PIEZO2: variants seen among roughly 807,000 people sequenced by gnomAD.
The protein encoded by PIEZO2 is piezo type mechanosensitive ion channel component 2.
PIEZO2 carries 172 observed loss-of-function variants against 337.3 expected under a neutral mutation model. The ratio of observed to expected loss-of-function variants is 0.51; its 90% CI spans 0.45 to 0.58. The LOEUF is 0.58. PIEZO2 is among the 20% of genes least tolerant of loss of function. The pLI is 0.00. For missense variants in PIEZO2, 3,028 were observed against 3,391.3 expected (o/e 0.89, Z 2.66); for synonymous variants, 1,251 against 1,228.5 (o/e 1.02, Z -0.38).
In PIEZO2 at chr18:10,911,413, A is replaced by C. The variant is rs536363629; in HGVS notation, c.287-185T>G. Among the ~76,000 whole-genome samples the C allele has an allele frequency of 3.4e-3, 483 of 141,260 alleles. 2 individuals carry two copies. The highest frequency in any genetic ancestry group is 0.012 in the African/African-American group (454 of 37,848). The allele number at this position is 141,260 out of a possible 152,430, so 92.7% of individuals were successfully genotyped here. A position where few individuals can be genotyped will look rare whatever the true frequency, so the allele number is the denominator to read the frequency against. On this transcript the variant is annotated intron_variant, in intron 3 of 55. Coordinates refer to ENST00000674853, the MANE Select transcript of PIEZO2 (RefSeq NM_001378183.1). ...GTAGAGTACAGAAAATTTAATAAAA[A>C]GTCCGCATATACAGAAGTCGAGTCC...
rs2033730744 is a variant in PIEZO2 at position 10,670,663 on chromosome 18, A to G, written c.*864T>C. The G allele has an allele frequency of 6.6e-6, 1 of 152,410 alleles. No individual in the cohort carries two copies. The highest frequency in any genetic ancestry group is 2.4e-5 in the African/African-American group (1 of 41,450). The allele number at this position is 152,410 out of a possible 1,614,324, so 9.4% of individuals were successfully genotyped here. On this transcript the variant is annotated 3_prime_UTR_variant, in exon 56 of 56. Coordinates refer to ENST00000674853, the MANE Select transcript of PIEZO2 (RefSeq NM_001378183.1). ...GCACGTTAAGGGAAGGGGAAGGCAGAAGAGCGGTCCTGACCTCAGTTATTA... is the reference window on the plus strand; with the variant it reads ...GCACGTTAAGGGAAGGGGAAGGCAGGAGAGCGGTCCTGACCTCAGTTATTA...
At position 10,767,738 on chromosome 18, in the gene PIEZO2, C is replaced by T. The variant is rs1207588515; in HGVS notation, c.2946+2410G>A. Reference sequence around the variant, plus strand: ...TCCTGATGGGGAGGCACAGAGCACCCAGAGCTGCTCCAAGGCTGCGGGGAA... The same window carrying T: ...TCCTGATGGGGAGGCACAGAGCACCTAGAGCTGCTCCAAGGCTGCGGGGAA... On this transcript the variant is annotated intron_variant, in intron 21 of 55. Transcript: ENST00000674853. The surrounding 1 kb of genome is among the most constrained non-coding windows in gnomAD (Gnocchi z 4.2). Among the ~76,000 whole-genome samples the T allele has an allele frequency of 2.0e-5, 3 of 152,148 alleles. No individual in the cohort carries two copies. Among genetic ancestry groups the T allele is most frequent in the Non-Finnish European group, 4.4e-5 (3 of 68,018 alleles).
At chr18:10,998,129 G>T (rs113032577) in intron 2 of PIEZO2, among the ~76,000 whole-genome samples, 1 of 152,044 alleles carries the variant, frequency 6.6e-6, no homozygotes, top group Non-Finnish European at 1.5e-5. Flanking sequence ...CAAAAGAAAA[G>T]AATTATAAAC....
At position 10,768,049 on chromosome 18, in the gene PIEZO2, A is replaced by G. The variant is rs76948224; in HGVS notation, c.2946+2099T>C. Among the ~76,000 whole-genome samples, 142 of 152,338 alleles carry G rather than the reference A, an allele frequency of 9.3e-4. 1 individual carries two copies. The East Asian group carries it at 0.018, about 19-fold the overall frequency. On this transcript the variant is annotated intron_variant, in intron 21 of 55. Transcript: ENST00000674853. Reference sequence around the variant, plus strand: ...AAGAATAAAACAAAAGAAGGAATAAAGAGCCTCTGTACAGTGGATTTTTTT... The same window carrying G: ...AAGAATAAAACAAAAGAAGGAATAAGGAGCCTCTGTACAGTGGATTTTTTT...
In PIEZO2 at chr18:10,813,161, A is replaced by T. The variant is rs1396001349; in HGVS notation, c.918-5887T>A. Among the ~76,000 whole-genome samples, 1 of 151,986 alleles carries T rather than the reference A, an allele frequency of 6.6e-6. No homozygotes were observed. Among genetic ancestry groups the T allele is most frequent in the Non-Finnish European group, 1.5e-5 (1 of 67,994 alleles). ...CGCTCAGCTAAGTTTTTGTATTTTT[A>T]GTAGAGAAGGGATTTCACCATGTTG... is the stretch of plus-strand genomic sequence containing the variant. On this transcript the variant is annotated intron_variant, in intron 7 of 55. Transcript: ENST00000674853. This position sits in a 1 kb window ranked among gnomAD's most constrained non-coding sequence, Gnocchi z 4.2.
Position 10,699,111 on chromosome 18 carries a change from C to T in PIEZO2, c.6508G>A (p.Glu2170Lys). ...CTCCTGCCATGACCGAGGGAGAGCT[C>T]ATCATCTGATTCCTCCCTGGCCATG... is the stretch of plus-strand genomic sequence containing the variant. ...SGMAREESDD[E>K]LSLGHGRRDS... The change falls in exon 44 of 56, where the codon GAG becomes AAG. Residue 2170 changes from glutamate to lysine, a missense_variant. Glu to Lys is a moderately conservative substitution (Grantham distance 56, BLOSUM62 1). This residue lies in a region of PIEZO2 where 1,925 missense variants were observed against 2,051.9 expected (regional missense o/e 0.94). Coordinates refer to ENST00000674853, the MANE Select transcript of PIEZO2 (RefSeq NM_001378183.1). 1 of 1,537,260 alleles carries T rather than the reference C, an allele frequency of 6.5e-7. No homozygotes were observed. Among genetic ancestry groups the T allele is most frequent in the Non-Finnish European group, 8.7e-7 (1 of 1,146,912 alleles).
At chr18:10,778,924 C>A (rs927102981) in intron 18 of PIEZO2, among the ~76,000 whole-genome samples, 8 of 152,178 alleles carry the variant, frequency 5.3e-5, no homozygotes, top group African/African-American at 7.2e-5. Flanking sequence ...CTTTACAAAG[C>A]AAATGCTAAA....
chr18:10,886,398 A>ATGTGTGTGTGTGTGTG (rs1568165663), intron 4 of PIEZO2, among the ~76,000 whole-genome samples: 3 of 54,460 alleles, frequency 5.5e-5, no homozygotes, highest in African/African-American at 3.9e-4. Context: ...ATATATATAT[A>ATGTGTGTGTGTGTGTG]TATATATATA....
intron 1 of PIEZO2, among the ~76,000 whole-genome samples, chr18:11,108,636 A>AT (rs2039644866): frequency 6.6e-6 from 1 of 151,548 alleles, no homozygotes; most frequent in Non-Finnish European, 1.5e-5. Flanking sequence ...AAAAAAAAAA[A>AT]AAAGAGTAAC....
chr18:10,797,111 C>T (rs1274634452), intron 12 of PIEZO2, among the ~76,000 whole-genome samples: 1 of 151,684 alleles, frequency 6.6e-6, no homozygotes, highest in East Asian at 1.9e-4. Context: ...TATGTACCAT[C>T]ATATTATACA....
At chr18:10,731,778 A>G (rs551802560) in intron 35 of PIEZO2, among the ~76,000 whole-genome samples, 35 of 152,344 alleles carry the variant, frequency 2.3e-4, no homozygotes, top group African/African-American at 7.0e-4. Flanking sequence ...ATTTCTCCCA[A>G]GTCCCTACAT....
intron 40 of PIEZO2, among the ~76,000 whole-genome samples, chr18:10,706,281 G>A (rs2035582723): frequency 6.6e-6 from 1 of 152,164 alleles, no homozygotes; most frequent in African/African-American, 2.4e-5. Context: ...CTGTGTGCTT[G>A]ATAAAAAATG....
At position 10,870,014 on chromosome 18, in the gene PIEZO2, T is replaced by G. The variant is rs549594204; in HGVS notation, c.492+1239A>C. ...CCTCAGCTTCCTGAGTAGCTAGAAT[T>G]ACAGGCAAGCACCATCACGCTCAGC... On this transcript the variant is annotated intron_variant, in intron 5 of 55. Coordinates refer to ENST00000674853, the MANE Select transcript of PIEZO2 (RefSeq NM_001378183.1). The surrounding 1 kb of genome is among the most constrained non-coding windows in gnomAD (Gnocchi z 5.3). Among the ~76,000 whole-genome samples the G allele has an allele frequency of 1.3e-3, 204 of 152,234 alleles. No individual in the cohort carries two copies. The highest frequency in any genetic ancestry group is 4.8e-3 in the African/African-American group (198 of 41,532).
rs2035531365 is a variant in PIEZO2 at position 11,001,453 on chromosome 18, G to C, written c.161-21793C>G. ...CTGTCGCTCTTCTTTGACCCTGCTA[G>C]AGATGACTTCACTGTCAGACAGTGA... On this transcript the variant is annotated intron_variant, in intron 2 of 55. Transcript: ENST00000674853. This position sits in a 1 kb window ranked among gnomAD's most constrained non-coding sequence, Gnocchi z 5.3. Among the ~76,000 whole-genome samples the C allele has an allele frequency of 6.6e-6, 1 of 152,128 alleles. No individual in the cohort carries two copies. Among genetic ancestry groups the C allele is most frequent in the South Asian group, 2.1e-4 (1 of 4,814 alleles).
intron 43 of PIEZO2, among the ~76,000 whole-genome samples, chr18:10,701,463 C>A (rs887977964): frequency 6.6e-6 from 1 of 152,138 alleles, no homozygotes; most frequent in African/African-American, 2.4e-5. Flanking sequence ...TTTTACTGGG[C>A]AACTTTAAAG....
intron 2 of PIEZO2, among the ~76,000 whole-genome samples, chr18:10,987,141 A>G (rs2034906743): frequency 6.6e-6 from 1 of 152,110 alleles, no homozygotes; most frequent in South Asian, 2.1e-4. Flanking sequence ...GCCAAAAGGA[A>G]TCTACAGATT....
At chr18:10,964,396 A>T (rs1308023816) in intron 3 of PIEZO2, among the ~76,000 whole-genome samples, 1 of 152,228 alleles carries the variant, frequency 6.6e-6, no homozygotes, top group Non-Finnish European at 1.5e-5. Flanking sequence ...CTTGTAAAAT[A>T]TATTTGCAGA....
At chr18:11,039,218 G>A (rs1568319345) in intron 2 of PIEZO2, among the ~76,000 whole-genome samples, 1 of 152,328 alleles carries the variant, frequency 6.6e-6, no homozygotes, top group South Asian at 2.1e-4. Context: ...GGCTCAACAA[G>A]CGATTGGGTG....
intron 2 of PIEZO2, among the ~76,000 whole-genome samples, chr18:11,018,315 C>T (rs1173211344): frequency 6.8e-6 from 1 of 147,928 alleles, no homozygotes; most frequent in Non-Finnish European, 1.5e-5. Context: ...TTGATTGCAC[C>T]TGCAAAGACC....
Sources: gnomAD v4.1 joint callset for allele counts (sites outside exome capture counted in the v4.1 genomes callset) on GRCh38, gnomAD v4.1.1 for gene constraint, gnomAD v4.1.1 regional missense constraint, Gnocchi (gnomAD v3.1) non-coding constraint, MANE v1.5 for transcripts, NCBI Gene and HGNC (gene_info 2026-07-23, HGNC 2026-07-21) for gene names.